PAPPA2: variants seen among roughly 807,000 people sequenced by gnomAD.
The protein encoded by PAPPA2 is pappalysin-2.
In PAPPA2, 86 loss-of-function variants were observed where a neutral mutation model predicts 176.4. The ratio of observed to expected loss-of-function variants is 0.49; its 90% confidence interval spans 0.41 to 0.58. The LOEUF is 0.58. PAPPA2 is among the 20% of genes least tolerant of loss of function. PAPPA2 has a pLI of 0.00. For synonymous variants in PAPPA2, 809 were observed against 852.2 expected (o/e 0.95, Z 0.88); for missense variants, 2,073 against 2,256.9 (o/e 0.92, Z 1.65).
At chr1:176,501,378 A>G (rs1647953381) in intron 1 of PAPPA2, among the ~76,000 whole-genome samples, 1 of 152,186 alleles carries the variant, frequency 6.6e-6, no homozygotes. Flanking sequence ...ATCTGTTATT[A>G]CTACAAAATT....
intron 3 of PAPPA2, among the ~76,000 whole-genome samples, chr1:176,660,415 C>G (rs909134722): frequency 6.6e-6 from 1 of 151,842 alleles, no homozygotes; most frequent in Non-Finnish European, 1.5e-5. Flanking sequence ...TCTGAGTTTA[C>G]TCTCATAATT....
At chr1:176,710,499 A>C (rs1661095477) in intron 11 of PAPPA2, among the ~76,000 whole-genome samples, 1 of 152,206 alleles carries the variant, frequency 6.6e-6, no homozygotes, top group Non-Finnish European at 1.5e-5. Flanking sequence ...GATTTAAAGA[A>C]GTTTTATTAT....
chr1:176,822,593 T>C (rs1289596781), intron 21 of PAPPA2, among the ~76,000 whole-genome samples: 1 of 152,234 alleles, frequency 6.6e-6, no homozygotes, highest in Non-Finnish European at 1.5e-5. Flanking sequence ...GAGGCTTCTC[T>C]TGGACAAAGT....
intron 2 of PAPPA2, among the ~76,000 whole-genome samples, chr1:176,591,518 T>G (rs1337711864): frequency 2.0e-5 from 3 of 152,238 alleles, no homozygotes; most frequent in African/African-American, 7.2e-5. Flanking sequence ...TCCATTGTTA[T>G]TAATTTCAGG....
intron 3 of PAPPA2, among the ~76,000 whole-genome samples, chr1:176,652,989 G>T (rs1045995279): frequency 6.6e-6 from 1 of 151,692 alleles, no homozygotes; most frequent in African/African-American, 2.4e-5. Flanking sequence ...TTTCTCTCTG[G>T]AGAGGAGTGG....
At chr1:176,627,055 A>G (rs1220156870) in intron 3 of PAPPA2, among the ~76,000 whole-genome samples, 8 of 151,430 alleles carry the variant, frequency 5.3e-5, no homozygotes, top group Admixed American at 5.3e-4. Flanking sequence ...AGCTTCCTTT[A>G]TTTCTTCCTA....
intron 1 of PAPPA2, among the ~76,000 whole-genome samples, chr1:176,551,513 G>A (rs557265664): frequency 3.3e-5 from 5 of 152,048 alleles, no homozygotes; most frequent in East Asian, 3.9e-4. Context: ...TCTTGCTCTC[G>A]CTCTCTCTCT....
At chr1:176,530,762 A>G (rs1019405098) in intron 1 of PAPPA2, among the ~76,000 whole-genome samples, 2 of 152,206 alleles carry the variant, frequency 1.3e-5, no homozygotes, top group Non-Finnish European at 2.9e-5. Flanking sequence ...AAATTACATG[A>G]GTTGGAAAAA....
chr1:176,609,585 C>T (rs1220783818), intron 3 of PAPPA2, among the ~76,000 whole-genome samples: 1 of 152,160 alleles, frequency 6.6e-6, no homozygotes, highest in Non-Finnish European at 1.5e-5. Context: ...TAGATTTATT[C>T]CAGGCAGAGG....
At chr1:176,782,796 A>T (rs1664776650) in intron 17 of PAPPA2, among the ~76,000 whole-genome samples, 1 of 152,180 alleles carries the variant, frequency 6.6e-6, no homozygotes, top group Non-Finnish European at 1.5e-5. Flanking sequence ...TTTTTTTGAA[A>T]GTTCCCTCCG....
At chr1:176,467,370 T>C (rs1572937793) in intron 1 of PAPPA2, among the ~76,000 whole-genome samples, 2 of 152,234 alleles carry the variant, frequency 1.3e-5, no homozygotes, top group South Asian at 4.1e-4. Flanking sequence ...TGTTTTTCTC[T>C]GAGTTTTTAT....
At chr1:176,723,590 T>G (rs1357315613) in intron 12 of PAPPA2, among the ~76,000 whole-genome samples, 1 of 152,094 alleles carries the variant, frequency 6.6e-6, no homozygotes, top group African/African-American at 2.4e-5. Flanking sequence ...ATGCAGTAAT[T>G]CAGAGACAAA....
chr1:176,486,907 G>A (rs915755539), intron 1 of PAPPA2, among the ~76,000 whole-genome samples: 11 of 150,712 alleles, frequency 7.3e-5, no homozygotes, highest in African/African-American at 2.7e-4. Context: ...GTAGGGAAAG[G>A]AGCTAATGTG....
intron 4 of PAPPA2, among the ~76,000 whole-genome samples, chr1:176,682,236 G>A (rs1659619153): frequency 6.6e-6 from 1 of 152,180 alleles, no homozygotes; most frequent in Admixed American, 6.6e-5. Flanking sequence ...AGAAACCAGA[G>A]TGGGACAGGT....
At chr1:176,793,896 C>T (rs1023692047) in intron 20 of PAPPA2, among the ~76,000 whole-genome samples, 1 of 152,124 alleles carries the variant, frequency 6.6e-6, no homozygotes, top group African/African-American at 2.4e-5. Flanking sequence ...GAAATTGAGA[C>T]CATCTGGCAA....
At chr1:176,629,832 A>G (rs1021108935) in intron 3 of PAPPA2, among the ~76,000 whole-genome samples, 6 of 152,230 alleles carry the variant, frequency 3.9e-5, no homozygotes, top group Admixed American at 2.6e-4. Context: ...TACATAGGTT[A>G]TATTTTAGAA....
intron 1 of PAPPA2, among the ~76,000 whole-genome samples, chr1:176,508,176 A>G (rs1047377166): frequency 9.9e-5 from 15 of 152,214 alleles, no homozygotes; most frequent in African/African-American, 3.1e-4. Flanking sequence ...GCACTCTTTA[A>G]AGAAAGACTA....
At chr1:176,833,927 A>T (rs1450446907) in intron 21 of PAPPA2, among the ~76,000 whole-genome samples, 1 of 152,146 alleles carries the variant, frequency 6.6e-6, no homozygotes, top group African/African-American at 2.4e-5. Flanking sequence ...AATAGAGTAG[A>T]TGCCCATAAA....
intron 4 of PAPPA2, among the ~76,000 whole-genome samples, chr1:176,687,194 G>C (rs969864823): frequency 2.6e-5 from 4 of 152,138 alleles, no homozygotes; most frequent in South Asian, 2.1e-4. Flanking sequence ...TGAAAATATA[G>C]CTTGCAAATG....
Sources: gnomAD v4.1 joint callset for allele counts (sites outside exome capture counted in the v4.1 genomes callset) on GRCh38, gnomAD v4.1.1 for gene constraint, MANE v1.5 for transcripts, NCBI Gene and HGNC (gene_info 2026-07-23, HGNC 2026-07-21) for gene names.